Variants in DLC1 observed in about 807,000 individuals in gnomAD.
DLC1 encodes the protein rho GTPase-activating protein 7.
Under a neutral mutation model 140.3 loss-of-function variants are expected in DLC1, and 54 were observed. That is an observed-to-expected ratio of 0.38 (90% CI 0.31 to 0.48). The LOEUF is 0.48. Ranked by LOEUF, DLC1 falls within the 20% of genes least tolerant of loss-of-function variation. The pLI is 0.96. For synonymous variants in DLC1, 986 were observed against 728.1 expected (o/e 1.35, Z -5.70); for missense variants, 2,536 against 1,907.0 (o/e 1.33, Z -6.14).
intron 1 of DLC1, among the ~76,000 whole-genome samples, chr8:13,539,373 T>A (rs1017048456): frequency 1.3e-5 from 2 of 152,112 alleles, no homozygotes; most frequent in Admixed American, 6.5e-5. Context: ...CTAATTTTTT[T>A]GTATTTTTGG....
intron 5 of DLC1, among the ~76,000 whole-genome samples, chr8:13,167,995 TG>T (rs757470647): frequency 1.3e-5 from 2 of 152,216 alleles, no homozygotes; most frequent in East Asian, 1.9e-4. Flanking sequence ...TAAATCTGCA[TG>T]TTTTTTTCAT....
chr8:13,270,389 T>G (rs1830881653), intron 5 of DLC1, among the ~76,000 whole-genome samples: 1 of 152,212 alleles, frequency 6.6e-6, no homozygotes, highest in African/African-American at 2.4e-5. Flanking sequence ...AGTGGCAGCC[T>G]TGACATTTAG....
chr8:13,538,880 G>A (rs1803389800), intron 1 of DLC1, among the ~76,000 whole-genome samples: 1 of 152,140 alleles, frequency 6.6e-6, no homozygotes, highest in Non-Finnish European at 1.5e-5. Context: ...AGATAGTAAT[G>A]TCGTAAATAT....
chr8:13,306,546 GTGTGTGTGTGTT>G (rs1832435703), intron 4 of DLC1, among the ~76,000 whole-genome samples: 1 of 143,836 alleles, frequency 7.0e-6, no homozygotes, highest in African/African-American at 2.5e-5. Context: ...GGGTATTTGT[GTGTGTGTGTGTT>G]TGTGTGTGTG....
In DLC1 at chr8:13,115,381, C is replaced by A. The variant is rs114330289; in HGVS notation, c.1420+205G>T. ...ATTACTTTGGGTAGGGAGTGGCAGG[C>A]AGCAGATGGGGGAGTGGCATGGGCG... On this transcript the variant is annotated intron_variant, in intron 6 of 17. Transcript: ENST00000276297. 9.7e-3 allele frequency among the ~76,000 whole-genome samples: 1,475 copies of A among 152,210 alleles called. 30 individuals carry two copies. Among genetic ancestry groups the A allele is most frequent in the African/African-American group, 0.034 (1,406 of 41,530 alleles).
At chr8:13,153,506 G>A (rs1427137843) in intron 5 of DLC1, among the ~76,000 whole-genome samples, 1 of 152,208 alleles carries the variant, frequency 6.6e-6, no homozygotes, top group African/African-American at 2.4e-5. Flanking sequence ...GACCCAAACA[G>A]GTCGCCACTG....
intron 5 of DLC1, among the ~76,000 whole-genome samples, chr8:13,251,064 G>C (rs1198376181): frequency 2.0e-5 from 3 of 152,134 alleles, no homozygotes; most frequent in Admixed American, 6.5e-5. Context: ...TATCTGGTGA[G>C]GCCTCTCTCC....
intron 5 of DLC1, chr8:13,305,013 A>G: frequency 9.0e-7 from 1 of 1,110,398 alleles, no homozygotes; most frequent in Non-Finnish European, 1.1e-6. Flanking sequence ...TTAAGAAAAA[A>G]AAATTGTGGT....
At chr8:13,139,756 A>G (rs1240890218) in intron 5 of DLC1, among the ~76,000 whole-genome samples, 1 of 152,272 alleles carries the variant, frequency 6.6e-6, no homozygotes, top group African/African-American at 2.4e-5. Flanking sequence ...TTTACCAAGG[A>G]CAGCTCTGAT....
At chr8:13,300,186 A>C (rs889163068) in intron 5 of DLC1, among the ~76,000 whole-genome samples, 3 of 152,230 alleles carry the variant, frequency 2.0e-5, no homozygotes, top group African/African-American at 2.4e-5. Flanking sequence ...GCAGGAACAG[A>C]AAACCAAACC....
chr8:13,371,520 G>A (rs1282242997), intron 4 of DLC1, among the ~76,000 whole-genome samples: 3 of 151,660 alleles, frequency 2.0e-5, no homozygotes, highest in African/African-American at 7.3e-5. Flanking sequence ...GACAATTGGA[G>A]CCAACTGCTA....
At chr8:13,407,023 T>C (rs892104878) in intron 2 of DLC1, among the ~76,000 whole-genome samples, 1 of 152,218 alleles carries the variant, frequency 6.6e-6, no homozygotes, top group African/African-American at 2.4e-5. Context: ...TTAGATAATA[T>C]ATGTAGCTGC....
At chr8:13,204,458 G>C (rs1345404579) in intron 5 of DLC1, among the ~76,000 whole-genome samples, 1 of 152,104 alleles carries the variant, frequency 6.6e-6, no homozygotes, top group African/African-American at 2.4e-5. Context: ...GAGTATTAAT[G>C]AGCAAGGATT....
chr8:13,339,580 C>T (rs1382399719), intron 4 of DLC1: 2 of 152,178 alleles, frequency 1.3e-5, no homozygotes, highest in East Asian at 1.9e-4. Flanking sequence ...GATGCCCTGT[C>T]ATTATGTCGC....
At chr8:13,265,892 T>C (rs1830668584) in intron 5 of DLC1, among the ~76,000 whole-genome samples, 1 of 152,242 alleles carries the variant, frequency 6.6e-6, no homozygotes, top group South Asian at 2.1e-4. Context: ...ATGTTGTTAT[T>C]GTCTAAAATA....
At chr8:13,511,795 C>T (rs998927313) in intron 1 of DLC1, among the ~76,000 whole-genome samples, 1 of 152,112 alleles carries the variant, frequency 6.6e-6, no homozygotes, top group Non-Finnish European at 1.5e-5. Context: ...CTTTGCCATA[C>T]TGTAATAGTT....
chr8:13,426,824 C>G (rs1320632849), intron 2 of DLC1, among the ~76,000 whole-genome samples: 1 of 152,028 alleles, frequency 6.6e-6, no homozygotes, highest in Non-Finnish European at 1.5e-5. Context: ...CTACATTTGT[C>G]TCTCATCCTA....
intron 5 of DLC1, among the ~76,000 whole-genome samples, chr8:13,289,541 G>A (rs963071881): frequency 6.6e-6 from 1 of 152,120 alleles, no homozygotes; most frequent in African/African-American, 2.4e-5. Flanking sequence ...ATGTTGCCCA[G>A]GCTGGCTTTG....
chr8:13,325,750 A>C (rs1264206488), intron 4 of DLC1, among the ~76,000 whole-genome samples: 1 of 152,234 alleles, frequency 6.6e-6, no homozygotes, highest in Non-Finnish European at 1.5e-5. Context: ...AAAAATGGGC[A>C]TTAAAAGAAA....
Sources: gnomAD v4.1 joint callset for allele counts (sites outside exome capture counted in the v4.1 genomes callset) on GRCh38, gnomAD v4.1.1 for gene constraint, MANE v1.5 for transcripts, NCBI Gene and HGNC (gene_info 2026-07-23, HGNC 2026-07-21) for gene names.